ZFR2: variants seen among roughly 807,000 people sequenced by gnomAD.
ZFR2 encodes the protein zinc finger RNA-binding protein 2.
Under a neutral mutation model 105.7 loss-of-function variants are expected in ZFR2, and 104 were observed. The observed-to-expected ratio is 0.98, with a 90% CI of 0.84 to 1.16. The LOEUF (loss-of-function observed/expected upper bound fraction) is 1.16. Ranked by LOEUF, ZFR2 falls within the 50% of genes most tolerant of loss-of-function variation. ZFR2 has a pLI of 0.00. For missense variants in ZFR2, 1,425 were observed against 1,355.5 expected, an observed-to-expected ratio of 1.05 and a Z score of -0.80; for synonymous variants, 634 against 597.7, an observed-to-expected ratio of 1.06 and a Z score of -0.89.
In ZFR2 at chr19:3,822,099, C is replaced by T; in HGVS notation, c.1473G>A (p.Arg491=). The change falls in exon 9 of 19, where the codon CGG becomes CGA. Residue 491 remains arginine (R), a synonymous_variant. Coordinates refer to ENST00000262961, the MANE Select transcript of ZFR2 (RefSeq NM_015174.2). ...GACGCACCCGGTACTGCAGCCGGTG[C>T]CGCCGCCCCCTCACGTGCAGGTCCT... ...NAKDLHVRGR[R]HRLQYRKKVN... The T allele has an allele frequency of 6.2e-7, 1 of 1,606,492 alleles. No homozygotes were observed. Among genetic ancestry groups the T allele is most frequent in the South Asian group, 1.1e-5 (1 of 89,510 alleles).
In ZFR2 at chr19:3,834,676, C is replaced by T. The variant is rs1235516054; in HGVS notation, c.264+97G>A. ...CGAAGGAAGGATCACGGTTAAGAGGCCTGGGAGAAGGAGTAGCTGTGGGAA... is the reference window on the plus strand; with the variant it reads ...CGAAGGAAGGATCACGGTTAAGAGGTCTGGGAGAAGGAGTAGCTGTGGGAA... On this transcript the variant is annotated intron_variant, in intron 2 of 18. Coordinates refer to ENST00000262961, the MANE Select transcript of ZFR2 (RefSeq NM_015174.2). This position sits in a 1 kb window ranked among gnomAD's most constrained non-coding sequence, Gnocchi z 5.3. 13 of 1,283,024 alleles carry T rather than the reference C, an allele frequency of 1.0e-5. No homozygotes were observed. Among genetic ancestry groups the T allele is most frequent in the Admixed American group, 9.9e-5 (5 of 50,636 alleles). The allele number at this position is 1,283,024 out of a possible 1,614,324, so 79.5% of individuals were successfully genotyped here.
intron 1 of ZFR2, among the ~76,000 whole-genome samples, chr19:3,853,967 C>T (rs1384828393): frequency 6.6e-6 from 1 of 151,908 alleles, no homozygotes; most frequent in Non-Finnish European, 1.5e-5. Context: ...GCCTGTAGTC[C>T]CAGCTACTTG....
chr19:3,822,013 G>C, intron 9 of ZFR2, 68 bp downstream of exon 9: 1 of 1,517,888 alleles, frequency 6.6e-7, no homozygotes, highest in Non-Finnish European at 8.9e-7. Flanking sequence ...CCGACCACAG[G>C]CCTCCCAGCG....
intron 1 of ZFR2, among the ~76,000 whole-genome samples, chr19:3,844,064 C>T (rs2145174484): frequency 6.8e-6 from 1 of 146,118 alleles, no homozygotes; most frequent in South Asian, 2.2e-4. Flanking sequence ...GAGTGTTTCA[C>T]GGGGACAGAG....
rs535910237 is a variant in ZFR2, at chr19:3,835,022, G to C, written c.54-39C>G. 5.0e-5 allele frequency: 79 copies of C among 1,576,830 alleles called. No homozygotes were observed. In the South Asian group the frequency reaches 8.6e-4, roughly 17 times the overall value. ...CACACACCAAAGCCCCACCAGGTTA[G>C]AGCGAGTTCTCAGGTGCACTGAGTT... On this transcript the variant is annotated intron_variant, in intron 1 of 18. Coordinates refer to ENST00000262961, the MANE Select transcript of ZFR2 (RefSeq NM_015174.2).
At chr19:3,819,343 G>A in intron 11 of ZFR2, 108 bp from the exon 12 acceptor site, 1 of 1,189,198 alleles carries the variant, frequency 8.4e-7, no homozygotes, top group South Asian at 1.6e-5. Context: ...AGGTTACGAG[G>A]CGGCAGCGTG....
rs934764560 is a variant in ZFR2, at chr19:3,810,749, C to G, written c.2433+1G>C. The G allele has an allele frequency of 7.1e-6, 11 of 1,548,966 alleles. No homozygotes were observed. The highest frequency in any genetic ancestry group is 9.6e-6 in the Non-Finnish European group (11 of 1,146,312). Reference sequence around the variant, plus strand: ...GGCCGGGCCGCCAGGCACTGCCTTACCCAGGCTGGCAGGGCCCCCCAGGTG... The same window carrying G: ...GGCCGGGCCGCCAGGCACTGCCTTAGCCAGGCTGGCAGGGCCCCCCAGGTG... On this transcript the variant is annotated splice_donor_variant, in intron 16 of 18. Coordinates refer to ENST00000262961, the MANE Select transcript of ZFR2 (RefSeq NM_015174.2). LOFTEE classifies it high-confidence loss of function.
Position 3,824,096 on chromosome 19 carries a change from C to T in ZFR2, c.1214-693G>A, listed in dbSNP as rs573332853. Among the ~76,000 whole-genome samples the T allele has an allele frequency of 2.6e-5, 4 of 152,176 alleles. No homozygotes were observed. The East Asian group carries it at 5.8e-4, about 22-fold the overall frequency. ...AGGATCGCTTAAGCCTAGGAGTTTC[C>T]GACCAGCCCCAGCAACATAGCAGAA... On this transcript the variant is annotated intron_variant, in intron 7 of 18. Transcript: ENST00000262961.
chr19:3,838,091 G>A lies in ZFR2; in HGVS notation c.54-3108C>T, dbSNP rs530898775. Among the ~76,000 whole-genome samples, 7 of 147,932 alleles carry A rather than the reference G, an allele frequency of 4.7e-5. No homozygotes were observed. Among genetic ancestry groups the A allele is most frequent in the East Asian group, 2.0e-4 (1 of 4,884 alleles). ...GATGAACACCATGACCGTGACACGCGATGAACACCGTGACCGTGACACTCG... is the reference window on the plus strand; with the variant it reads ...GATGAACACCATGACCGTGACACGCAATGAACACCGTGACCGTGACACTCG... On this transcript the variant is annotated intron_variant, in intron 1 of 18. Coordinates refer to ENST00000262961, the MANE Select transcript of ZFR2 (RefSeq NM_015174.2). The surrounding 1 kb of genome is among the most constrained non-coding windows in gnomAD (Gnocchi z 4.9).
intron 8 of ZFR2, among the ~76,000 whole-genome samples, chr19:3,822,894 C>A (rs1331739003): frequency 1.3e-5 from 2 of 152,206 alleles, no homozygotes; most frequent in Non-Finnish European, 2.9e-5. Context: ...CCCGCAGGCC[C>A]AGGAAAGGGG....
At chr19:3,852,205 G>T in intron 1 of ZFR2, 1 of 509,620 alleles carries the variant, frequency 2.0e-6, no homozygotes, top group South Asian at 2.1e-5. Context: ...GGGCTCAGCT[G>T]GGTGGCAATC....
rs151203618 is a variant in ZFR2 at position 3,853,361 on chromosome 19, A to C, written c.53+15604T>G. Reference sequence around the variant, plus strand: ...CTCCCGCCCTGCCCTGATCCCCTGAAAATGACAAAGACAGGTGTGCCTGTA... The same window carrying C: ...CTCCCGCCCTGCCCTGATCCCCTGACAATGACAAAGACAGGTGTGCCTGTA... On this transcript the variant is annotated intron_variant, in intron 1 of 18. Transcript: ENST00000262961. Among the ~76,000 whole-genome samples the C allele has an allele frequency of 3.5e-3, 532 of 152,320 alleles. 5 individuals carry two copies. The highest frequency in any genetic ancestry group is 0.012 in the African/African-American group (493 of 41,574).
At chr19:3,843,968 G>A (rs1440222857) in intron 1 of ZFR2, among the ~76,000 whole-genome samples, 3 of 149,492 alleles carry the variant, frequency 2.0e-5, no homozygotes, top group Admixed American at 1.4e-4. Flanking sequence ...CCAGTCCTAG[G>A]AGGTCCCTAG....
intron 10 of ZFR2, 36 bp downstream of exon 10, chr19:3,821,304 C>T: frequency 1.3e-6 from 2 of 1,537,062 alleles, no homozygotes; most frequent in East Asian, 2.4e-5. Flanking sequence ...TGCCCTCCCT[C>T]ACCAGGCCCC....
chr19:3,862,818 G>T lies in ZFR2; in HGVS notation c.53+6147C>A, dbSNP rs144687338. Among the ~76,000 whole-genome samples, 449 of 152,350 alleles carry T rather than the reference G, an allele frequency of 2.9e-3. 2 individuals carry two copies. Among genetic ancestry groups the T allele is most frequent in the African/African-American group, 0.01 (434 of 41,582 alleles). On this transcript the variant is annotated intron_variant, in intron 1 of 18. Transcript: ENST00000262961. Reference sequence around the variant, plus strand: ...CCCTAACACGTATTTCAGCCTTGCTGAGAAGGGCGTGAAAAAGACCGCAGC... The same window carrying T: ...CCCTAACACGTATTTCAGCCTTGCTTAGAAGGGCGTGAAAAAGACCGCAGC...
At chr19:3,856,455 C>G (rs1157282635) in intron 1 of ZFR2, among the ~76,000 whole-genome samples, 2 of 152,056 alleles carry the variant, frequency 1.3e-5, no homozygotes, top group Non-Finnish European at 2.9e-5. Flanking sequence ...GTGCACGGTT[C>G]GGTGGCATCT....
In ZFR2 at chr19:3,831,069, A is replaced by G. The variant is rs538602605; in HGVS notation, c.852+234T>C. Among the ~76,000 whole-genome samples, 5 of 152,088 alleles carry G rather than the reference A, an allele frequency of 3.3e-5. No homozygotes were observed. The South Asian group carries it at 1.0e-3, about 32-fold the overall frequency. ...CACATACATGCACACTCACGTTTGC[A>G]CACACATATGCACACATATACACAT... On this transcript the variant is annotated intron_variant, in intron 5 of 18. Coordinates refer to ENST00000262961, the MANE Select transcript of ZFR2 (RefSeq NM_015174.2).
Position 3,816,859 on chromosome 19 carries a change from G to A in ZFR2, c.1932-14C>T, listed in dbSNP as rs754882383. ...GGGGCAACGCTGCTGTGGGGACAAA[G>A]CCACAGACGTGCGCCATCAGCGGAG... On this transcript the variant is annotated splice_polypyrimidine_tract_variant and intron_variant, in intron 12 of 18. Coordinates refer to ENST00000262961, the MANE Select transcript of ZFR2 (RefSeq NM_015174.2). The A allele has an allele frequency of 1.9e-6, 3 of 1,546,664 alleles. No homozygotes were observed.
intron 16 of ZFR2, among the ~76,000 whole-genome samples, chr19:3,810,438 C>T (rs2240230): frequency 0.46 from 69,364 of 152,128 alleles, 16,197 homozygotes; most frequent in Middle Eastern, 0.52. Context: ...ATGGGGAGTC[C>T]GGCTTCCGCC....
Sources: allele counts gnomAD v4.1 joint callset (sites outside exome capture counted in the v4.1 genomes callset), GRCh38; gene constraint gnomAD v4.1.1; non-coding constraint Gnocchi (gnomAD v3.1); transcripts MANE v1.5; gene names NCBI Gene and HGNC (gene_info 2026-07-23, HGNC 2026-07-21).